The following CHD1L variants were observed in gnomAD, a reference collection of about 807,000 sequenced individuals.
CHD1L encodes chromodomain helicase DNA binding protein 1 like.
CHD1L carries 118 observed loss-of-function variants against 115.9 expected under a neutral mutation model. The observed-to-expected ratio is 1.02, with a 90% CI of 0.88 to 1.19. The LOEUF (loss-of-function observed/expected upper bound fraction) is 1.19. Ranked by LOEUF, CHD1L falls within the 50% of genes most tolerant of loss-of-function variation. The pLI is 0.00. For missense variants in CHD1L, 1,179 were observed against 1,065.3 expected, an observed-to-expected ratio of 1.11 and a Z score of -1.49; for synonymous variants, 411 against 387.1, an observed-to-expected ratio of 1.06 and a Z score of -0.72.
chr1:147,247,038 C>G (rs1304946073), intron 1 of CHD1L, among the ~76,000 whole-genome samples: 1 of 152,010 alleles, frequency 6.6e-6, no homozygotes, highest in Non-Finnish European at 1.5e-5. Context: ...TTATTTAGTT[C>G]AGTGTATTTA....
the CHD1L span, among the ~76,000 whole-genome samples, chr1:147,182,327 T>C: frequency 6.6e-6 from 1 of 152,220 alleles, no homozygotes; most frequent in African/African-American, 2.4e-5. Context: ...CTGTGTAGAA[T>C]GTCCATATAA....
chr1:147,236,120 A>C, the CHD1L span, among the ~76,000 whole-genome samples: 1 of 152,098 alleles, frequency 6.6e-6, no homozygotes, highest in Non-Finnish European at 1.5e-5. Flanking sequence ...ATGGGCACTG[A>C]CTCCCTGTGA....
chr1:147,184,847 A>G, the CHD1L span, among the ~76,000 whole-genome samples: 5,603 of 152,182 alleles, frequency 0.037, 148 homozygotes, highest in South Asian at 0.095. The surrounding 1 kb of genome is among the most constrained non-coding windows in gnomAD (Gnocchi z 4.4). Flanking sequence ...AGCTCACACT[A>G]GAGAAGTAGG....
the CHD1L span, chr1:147,173,699 A>G: frequency 6.6e-6 from 1 of 152,198 alleles, no homozygotes; most frequent in African/African-American, 2.4e-5. Flanking sequence ...ACTCTGTGTT[A>G]CACAGACCAG....
At position 147,294,518 on chromosome 1, in the gene CHD1L, G is replaced by T; in HGVS notation, c.2615+1G>T. On this transcript the variant is annotated splice_donor_variant, in intron 22 of 22. Transcript: ENST00000369258. LOFTEE classifies it high-confidence loss of function. ...CTGCAAGAGGCATCCCAACTTACATGTATCCTTTTGTGATCTTCATTGTGT... is the reference window on the plus strand; with the variant it reads ...CTGCAAGAGGCATCCCAACTTACATTTATCCTTTTGTGATCTTCATTGTGT... The T allele has an allele frequency of 6.2e-7, 1 of 1,606,742 alleles. No homozygotes were observed. Among genetic ancestry groups the T allele is most frequent in the Non-Finnish European group, 8.5e-7 (1 of 1,175,172 alleles).
intron 6 of CHD1L, among the ~76,000 whole-genome samples, chr1:147,262,167 G>T (rs1306131318): frequency 7.0e-6 from 1 of 142,540 alleles, no homozygotes; most frequent in Admixed American, 7.3e-5. Context: ...CTGCACTCCA[G>T]CCTGGGCGAC....
chr1:147,214,234 C>T, the CHD1L span, among the ~76,000 whole-genome samples: 1 of 151,898 alleles, frequency 6.6e-6, no homozygotes, highest in Non-Finnish European at 1.5e-5. Flanking sequence ...GGTGAATCAC[C>T]CGAGGTCAGG....
the CHD1L span, among the ~76,000 whole-genome samples, chr1:147,231,997 A>C: frequency 6.6e-6 from 1 of 152,182 alleles, no homozygotes; most frequent in East Asian, 1.9e-4. Flanking sequence ...TTGGAAATGC[A>C]AAAATCACCT....
At chr1:147,213,295 G>A in the CHD1L span, 1 of 1,594,414 alleles carries the variant, frequency 6.3e-7, no homozygotes, top group South Asian at 1.2e-5. Flanking sequence ...TTCCTTCCTG[G>A]TAAGCTGCTC....
chr1:147,235,825 T>C, the CHD1L span, among the ~76,000 whole-genome samples: 1 of 152,208 alleles, frequency 6.6e-6, no homozygotes, highest in East Asian at 1.9e-4. Flanking sequence ...ACCTGTCCCC[T>C]ACATGGAAAT....
intron 12 of CHD1L, among the ~76,000 whole-genome samples, chr1:147,274,963 A>C (rs12032300): frequency 0.021 from 3,188 of 152,252 alleles, 128 homozygotes; most frequent in East Asian, 0.17. Context: ...TGCGCACTGC[A>C]GACCTCTCAT....
chr1:147,250,171 T>TA (rs1339510331), intron 1 of CHD1L, among the ~76,000 whole-genome samples: 8 of 152,368 alleles, frequency 5.3e-5, no homozygotes, highest in African/African-American at 1.4e-4. Context: ...TGAAGCATTT[T>TA]ATCATTACTG....
At chr1:147,280,913 C>T (rs1680591772) in intron 15 of CHD1L, among the ~76,000 whole-genome samples, 1 of 152,142 alleles carries the variant, frequency 6.6e-6, no homozygotes, top group African/African-American at 2.4e-5. Flanking sequence ...TCTTACTAGG[C>T]TTCTTAATTC....
the CHD1L span, among the ~76,000 whole-genome samples, chr1:147,197,297 T>C: frequency 1.3e-5 from 2 of 152,162 alleles, no homozygotes; most frequent in African/African-American, 4.8e-5. Context: ...ATTGGGTACT[T>C]ATTGCCCACT....
chr1:147,246,627 G>A (rs1191558746), intron 1 of CHD1L, among the ~76,000 whole-genome samples: 5 of 152,126 alleles, frequency 3.3e-5, no homozygotes, highest in South Asian at 2.1e-4. Flanking sequence ...TCTCATTGTG[G>A]CTTAGATATG....
At chr1:147,280,489 C>T (rs61560150) in intron 15 of CHD1L, among the ~76,000 whole-genome samples, 2,215 of 152,208 alleles carry the variant, frequency 0.015, 58 homozygotes, top group African/African-American at 0.052. Context: ...TTGCAAACAT[C>T]TTCTTCTTTA....
chr1:147,214,975 A>G, the CHD1L span: 9 of 152,154 alleles, frequency 5.9e-5, no homozygotes, highest in Non-Finnish European at 1.0e-4. Flanking sequence ...TCTTATTGTC[A>G]TTAAGCAGAA....
chr1:147,294,317 A>T, intron 21 of CHD1L, 92 bp from the exon 22 acceptor site: 1 of 755,386 alleles, frequency 1.3e-6, no homozygotes, highest in Non-Finnish European at 2.1e-6. Flanking sequence ...GCTTTGAGGG[A>T]GATAGTCAAT....
chr1:147,255,820 C>G lies in CHD1L; in HGVS notation c.355C>G (p.Pro119Ala), dbSNP rs782474557. The change falls in exon 4 of 23, where the codon CCA becomes GCA. Residue 119 changes from proline (P) to alanine (A), a missense_variant. Pro to Ala is a conservative substitution (Grantham distance 27). Transcript: ENST00000369258. ...TTCTTTTCTTGGATTCAGATTTGCTCCAGGTCTTTCCTGTGTAACATATGC... is the reference window on the plus strand; with the variant it reads ...TTCTTTTCTTGGATTCAGATTTGCTGCAGGTCTTTCCTGTGTAACATATGC... ...NWKEEMQRFA[P>A]GLSCVTYAGD... 2 of 1,607,380 alleles carry G rather than the reference C, an allele frequency of 1.2e-6. No individual in the cohort carries two copies. The highest frequency in any genetic ancestry group is 1.7e-6 in the Non-Finnish European group (2 of 1,175,904).
Sources: allele counts gnomAD v4.1 joint callset (sites outside exome capture counted in the v4.1 genomes callset), GRCh38; gene constraint gnomAD v4.1.1; non-coding constraint Gnocchi (gnomAD v3.1); transcripts MANE v1.5; gene names NCBI Gene and HGNC (gene_info 2026-07-23, HGNC 2026-07-21).